Variants in R3HDM2 observed in about 807,000 individuals in gnomAD.
The protein encoded by R3HDM2 is R3H domain containing 2.
R3HDM2 carries 38 observed loss-of-function variants against 124.5 expected under a neutral mutation model. The ratio of observed to expected loss-of-function variants is 0.31; its 90% CI spans 0.24 to 0.40. The LOEUF (loss-of-function observed/expected upper bound fraction) is 0.40, where lower values mean the gene tolerates loss of function less well. Among genes scored for constraint, R3HDM2 ranks in the 10% least tolerant of loss-of-function variants. The probability of loss-of-function intolerance (pLI) is 1.00; values close to 1 mark genes in which losing one functional copy is unlikely to be tolerated. For missense variants in R3HDM2, 869 were observed against 1,236.9 expected (o/e 0.70, Z 4.46); for synonymous variants, 391 against 448.0 (o/e 0.87, Z 1.61).
At chr12:57,332,037 T>C (rs1387997533) in intron 2 of R3HDM2, among the ~76,000 whole-genome samples, 2 of 151,910 alleles carry the variant, frequency 1.3e-5, no homozygotes, top group Non-Finnish European at 2.9e-5. Flanking sequence ...TGAGCTGTGA[T>C]TGTACCATTG....
chr12:57,338,824 A>G (rs576443838), intron 2 of R3HDM2, among the ~76,000 whole-genome samples: 39 of 149,178 alleles, frequency 2.6e-4, no homozygotes, highest in African/African-American at 9.1e-4. Context: ...TTTCAAAGGG[A>G]GAGAGAGAGA....
intron 14 of R3HDM2, among the ~76,000 whole-genome samples, chr12:57,274,967 A>T (rs1480698778): frequency 6.6e-6 from 1 of 152,184 alleles, no homozygotes; most frequent in East Asian, 1.9e-4. Flanking sequence ...CAAAAAAAAA[A>T]TTCTAAAATT....
chr12:57,266,874 A>AT, intron 18 of R3HDM2, 43 bp from the exon 19 acceptor site: 1 of 1,379,320 alleles, frequency 7.2e-7, no homozygotes, highest in Non-Finnish European at 1.0e-6. Context: ...CAGTAGAGGG[A>AT]TGAACACAGC....
At chr12:57,273,224 C>G (rs938192673) in intron 14 of R3HDM2, among the ~76,000 whole-genome samples, 3 of 152,188 alleles carry the variant, frequency 2.0e-5, no homozygotes, top group Non-Finnish European at 2.9e-5. Flanking sequence ...ACCTCCACCC[C>G]CCAAGCAAAC....
At chr12:57,354,422 A>G (rs1456755547) in intron 2 of R3HDM2, among the ~76,000 whole-genome samples, 1 of 151,780 alleles carries the variant, frequency 6.6e-6, no homozygotes, top group East Asian at 1.9e-4. Flanking sequence ...CCTCCAGAGT[A>G]GCTGGAACCA....
rs538695696 is a variant in R3HDM2 at position 57,341,724 on chromosome 12, C to T, written c.-35-31261G>A. ...ACATTTAAAGACTAGGGGATAGTTA[C>T]GTAAAGATATAGGACAGACAGGCAC... On this transcript the variant is annotated intron_variant, in intron 2 of 23. Coordinates refer to ENST00000402412, the MANE Select transcript of R3HDM2 (RefSeq NM_001394031.1). Among the ~76,000 whole-genome samples the T allele has an allele frequency of 8.5e-4, 130 of 152,164 alleles. 1 individual carries two copies. The highest frequency in any genetic ancestry group is 1.5e-3 in the Non-Finnish European group (104 of 67,992).
chr12:57,395,706 C>T, intron 2 of R3HDM2, 43 bp downstream of exon 2: 1 of 845,106 alleles, frequency 1.2e-6, no homozygotes, highest in Non-Finnish European at 1.4e-6. Flanking sequence ...CAATTTGTTG[C>T]CTGGAACACA....
rs778428832 is a variant in R3HDM2, at chr12:57,254,785, G to A, written c.2961C>T (p.Ala987=). 6.4e-7 allele frequency: 1 copy of A among 1,559,148 alleles called. No individual in the cohort carries two copies. Among genetic ancestry groups the A allele is most frequent in the Admixed American group, 1.7e-5 (1 of 57,554 alleles). Residue 987 remains alanine (A), a synonymous_variant, in exon 24 of 24, where the codon GCC becomes GCT. Coordinates refer to ENST00000402412, the MANE Select transcript of R3HDM2 (RefSeq NM_001394031.1). ...TCCCCTCCTCCATTTATTGGGAGCT[G>A]GCTCGCTCCAGGATCCTCAGGTCAT... ...KNYDLRILER[A]SSQ
intron 1 of R3HDM2, among the ~76,000 whole-genome samples, chr12:57,397,790 T>C (rs963699105): frequency 6.6e-6 from 1 of 152,234 alleles, no homozygotes; most frequent in Admixed American, 6.5e-5. Flanking sequence ...CTAAGAGCTT[T>C]GTCACACCAA....
intron 19 of R3HDM2, 132 bp downstream of exon 19, chr12:57,266,599 T>C: frequency 1.4e-6 from 1 of 702,894 alleles, no homozygotes; most frequent in Non-Finnish European, 2.5e-6. Flanking sequence ...TGTTTTTTCT[T>C]TGTGATGGAG....
At chr12:57,283,369 G>T (rs1326763835) in intron 13 of R3HDM2, among the ~76,000 whole-genome samples, 1 of 152,138 alleles carries the variant, frequency 6.6e-6, no homozygotes, top group African/African-American at 2.4e-5. Flanking sequence ...AAGGACAATG[G>T]ATCCAAAATT....
Position 57,430,725 on chromosome 12 carries a change from A to C in R3HDM2, c.-111T>G. Reference sequence around the variant, plus strand: ...CGGCCGGGAGGTGGCCTCACCTCGCACGGGCCTTGGCGGGGAGGGCGCCCA... The same window carrying C: ...CGGCCGGGAGGTGGCCTCACCTCGCCCGGGCCTTGGCGGGGAGGGCGCCCA... On this transcript the variant is annotated 5_prime_UTR_variant, in exon 1 of 24. Coordinates refer to ENST00000402412, the MANE Select transcript of R3HDM2 (RefSeq NM_001394031.1). The C allele has an allele frequency of 3.1e-6, 1 of 318,752 alleles. No individual in the cohort carries two copies. Among genetic ancestry groups the C allele is most frequent in the Non-Finnish European group, 4.5e-6 (1 of 222,752 alleles). The allele number at this position is 318,752 out of a possible 1,614,324, so 19.7% of individuals were successfully genotyped here. A position where few individuals can be genotyped will look rare whatever the true frequency, so the allele number is the denominator to read the frequency against.
intron 19 of R3HDM2, among the ~76,000 whole-genome samples, chr12:57,265,041 G>T (rs2041975703): frequency 6.6e-6 from 1 of 152,172 alleles, no homozygotes; most frequent in Non-Finnish European, 1.5e-5. Context: ...CTTGGCAAAG[G>T]CAGTGAAAGG....
At chr12:57,272,103 T>C (rs961530263) in intron 14 of R3HDM2, among the ~76,000 whole-genome samples, 2 of 152,136 alleles carry the variant, frequency 1.3e-5, no homozygotes, top group African/African-American at 4.8e-5. Flanking sequence ...CCATTCTGTA[T>C]AGAAGAAACT....
In R3HDM2 at chr12:57,335,582, T is replaced by C. The variant is rs145489175; in HGVS notation, c.-35-25119A>G. 2.8e-3 allele frequency among the ~76,000 whole-genome samples: 421 copies of C among 150,152 alleles called. 9 individuals carry two copies. In the East Asian group the frequency reaches 0.042, roughly 15 times the overall value. On this transcript the variant is annotated intron_variant, in intron 2 of 23. Transcript: ENST00000402412. ...GCCTAGTCACAGCTTGCTGCAACTTTGAACTCCTGGGCTCAACCAATCCTC... is the reference window on the plus strand; with the variant it reads ...GCCTAGTCACAGCTTGCTGCAACTTCGAACTCCTGGGCTCAACCAATCCTC...
intron 14 of R3HDM2, among the ~76,000 whole-genome samples, chr12:57,270,802 C>T (rs1326166629): frequency 6.6e-6 from 1 of 151,984 alleles, no homozygotes; most frequent in African/African-American, 2.4e-5. Flanking sequence ...CTCCTGAACT[C>T]AAGTGATCAG....
chr12:57,385,309 C>CTTG (rs1282765321), intron 2 of R3HDM2, among the ~76,000 whole-genome samples: 1 of 147,556 alleles, frequency 6.8e-6, no homozygotes, highest in African/African-American at 2.5e-5. Context: ...ATGGCGCAAT[C>CTTG]TGGCTCACTG....
At chr12:57,313,751 T>C (rs185009373) in intron 2 of R3HDM2, among the ~76,000 whole-genome samples, 2 of 147,596 alleles carry the variant, frequency 1.4e-5, no homozygotes, top group East Asian at 2.0e-4. Context: ...TGTGGTGGAG[T>C]GTGCCTGTCG....
chr12:57,377,255 T>C (rs978122873), intron 2 of R3HDM2, among the ~76,000 whole-genome samples: 3 of 152,094 alleles, frequency 2.0e-5, no homozygotes, highest in South Asian at 4.1e-4. Flanking sequence ...GTTTGCAAGA[T>C]AGCAGATAAG....
Sources: gnomAD v4.1 joint callset for allele counts (sites outside exome capture counted in the v4.1 genomes callset) on GRCh38, gnomAD v4.1.1 for gene constraint, MANE v1.5 for transcripts, NCBI Gene and HGNC (gene_info 2026-07-23, HGNC 2026-07-21) for gene names.